KITLG: variants seen among roughly 807,000 people sequenced by gnomAD.
KITLG encodes c-Kit ligand.
KITLG carries 13 observed loss-of-function variants against 34.1 expected under a neutral mutation model. The observed-to-expected ratio is 0.38, with a 90% CI of 0.25 to 0.61. The LOEUF (loss-of-function observed/expected upper bound fraction) is 0.61, where lower values mean the gene tolerates loss of function less well. KITLG is among the 20% of genes least tolerant of loss of function. The pLI, the probability that KITLG is intolerant of heterozygous loss-of-function variation, is 0.60. For missense variants in KITLG, 292 were observed against 318.9 expected (o/e 0.92, Z 0.64); for synonymous variants, 110 against 104.0 (o/e 1.06, Z -0.35).
At chr12:88,514,626 T>C (rs1351509582) in intron 6 of KITLG, among the ~76,000 whole-genome samples, 1 of 151,746 alleles carries the variant, frequency 6.6e-6, no homozygotes, top group African/African-American at 2.4e-5. Flanking sequence ...GAAAGATAAA[T>C]AGACTATAAA....
chr12:88,565,125 TTCTG>T (rs1172842675), intron 1 of KITLG, among the ~76,000 whole-genome samples: 4 of 152,228 alleles, frequency 2.6e-5, no homozygotes, highest in South Asian at 4.1e-4. Flanking sequence ...ATTGTCATAT[TTCTG>T]TCTTTCAACT....
chr12:88,564,207 C>T (rs1347092931), intron 1 of KITLG: 1 of 152,046 alleles, frequency 6.6e-6, no homozygotes, highest in African/African-American at 2.4e-5. Context: ...AGGAAATGTA[C>T]CTTAAGGCCT....
chr12:88,529,434 T>C, intron 3 of KITLG, among the ~76,000 whole-genome samples: 1 of 152,190 alleles, frequency 6.6e-6, no homozygotes. Context: ...TAGATTTAAA[T>C]ACTAAGTGGT....
At chr12:88,513,991 A>G (rs755595351) in intron 6 of KITLG, among the ~76,000 whole-genome samples, 1 of 151,704 alleles carries the variant, frequency 6.6e-6, no homozygotes, top group Non-Finnish European at 1.5e-5. Context: ...AAAATTATAG[A>G]GTATGTTTTC....
At chr12:88,578,426 T>A (rs544919831) in intron 1 of KITLG, among the ~76,000 whole-genome samples, 8 of 152,324 alleles carry the variant, frequency 5.3e-5, no homozygotes, top group Admixed American at 2.6e-4. Flanking sequence ...CTAAAATACT[T>A]AGCTTTCTCA....
chr12:88,500,489 G>A (rs1868812412), intron 9 of KITLG, among the ~76,000 whole-genome samples: 1 of 152,192 alleles, frequency 6.6e-6, no homozygotes, highest in Admixed American at 6.5e-5. Context: ...ACACAACAAA[G>A]TTATATTAAG....
chr12:88,548,718 C>T (rs1287051078), intron 1 of KITLG, among the ~76,000 whole-genome samples: 1 of 152,164 alleles, frequency 6.6e-6, no homozygotes, highest in East Asian at 1.9e-4. Flanking sequence ...TAATACATAT[C>T]AGTGCATGAC....
chr12:88,561,824 TTGC>T (rs1203669588), intron 1 of KITLG, among the ~76,000 whole-genome samples: 2 of 152,218 alleles, frequency 1.3e-5, no homozygotes, highest in Non-Finnish European at 2.9e-5. Context: ...CCCTTTGTAC[TTGC>T]TGCTGCCAGT....
At chr12:88,543,683 C>T (rs1281931321) in intron 2 of KITLG, among the ~76,000 whole-genome samples, 1 of 152,114 alleles carries the variant, frequency 6.6e-6, no homozygotes, top group Non-Finnish European at 1.5e-5. Flanking sequence ...TTGCTTTCCC[C>T]GCCCTTCTCA....
At chr12:88,499,417 T>G (rs1868769303) in intron 9 of KITLG, among the ~76,000 whole-genome samples, 1 of 152,158 alleles carries the variant, frequency 6.6e-6, no homozygotes, top group Non-Finnish European at 1.5e-5. Context: ...ATACCAAAAT[T>G]TTGTTTGTAT....
chr12:88,574,973 C>T (rs1258664469), intron 1 of KITLG, among the ~76,000 whole-genome samples: 4 of 152,134 alleles, frequency 2.6e-5, no homozygotes, highest in Non-Finnish European at 5.9e-5. Context: ...TTTAAATCTC[C>T]TTCATTTCTC....
chr12:88,559,885 T>G (rs1478186091), intron 1 of KITLG, among the ~76,000 whole-genome samples: 2 of 152,226 alleles, frequency 1.3e-5, no homozygotes, highest in Non-Finnish European at 2.9e-5. Flanking sequence ...GAGACACATT[T>G]CTCTGGTAAC....
intron 3 of KITLG, among the ~76,000 whole-genome samples, chr12:88,531,898 T>C (rs1015107885): frequency 3.3e-5 from 5 of 152,034 alleles, no homozygotes; most frequent in Non-Finnish European, 7.4e-5. Flanking sequence ...AGCATAACAA[T>C]GATTTATGTA....
intron 2 of KITLG, among the ~76,000 whole-genome samples, chr12:88,542,794 A>C (rs1193658473): frequency 2.0e-5 from 3 of 152,102 alleles, no homozygotes; most frequent in Admixed American, 2.0e-4. Flanking sequence ...ATGCCCTTAG[A>C]GCTGTACCTT....
chr12:88,532,652 T>C (rs1465917587), intron 2 of KITLG, 149 bp from the exon 3 acceptor site: 2 of 611,820 alleles, frequency 3.3e-6, no homozygotes, highest in Non-Finnish European at 5.7e-6. Context: ...TGATTTTTAA[T>C]CCTTGATTTC....
chr12:88,494,504 A>G lies in KITLG; in HGVS notation c.*2715T>C, dbSNP rs191101838. 1.1e-3 allele frequency: 168 copies of G among 152,506 alleles called. 1 individual carries two copies. Among genetic ancestry groups the G allele is most frequent in the Non-Finnish European group, 3.1e-4 (21 of 67,900 alleles). The allele number at this position is 152,506 out of a possible 1,614,324, so 9.4% of individuals were successfully genotyped here. On this transcript the variant is annotated 3_prime_UTR_variant, in exon 10 of 10. Coordinates refer to ENST00000644744, the MANE Select transcript of KITLG (RefSeq NM_000899.5). ...TTTCTTTTCACATACTTTTTAAGAG[A>G]ATAGGCTACTTGTTCTATTATTGTA... is the stretch of plus-strand genomic sequence containing the variant.
intron 1 of KITLG, among the ~76,000 whole-genome samples, chr12:88,578,269 T>C (rs1481820207): frequency 1.3e-5 from 2 of 152,162 alleles, no homozygotes; most frequent in African/African-American, 2.4e-5. Flanking sequence ...AAAAAAAACC[T>C]TGAAGGTCAT....
At position 88,567,734 on chromosome 12, in the gene KITLG, G is replaced by C. The variant is rs1217956999; in HGVS notation, c.15+12530C>G. Among the ~76,000 whole-genome samples, 4 of 152,264 alleles carry C rather than the reference G, an allele frequency of 2.6e-5. No individual in the cohort carries two copies. The East Asian group carries it at 7.7e-4, about 29-fold the overall frequency. ...TTTGAAAGGAGCTAACATTTACCGA[G>C]GTTTTCTGGTACCTGTCCTAATGCC... On this transcript the variant is annotated intron_variant, in intron 1 of 9. Coordinates refer to ENST00000644744, the MANE Select transcript of KITLG (RefSeq NM_000899.5).
chr12:88,567,732 G>A (rs771569295), intron 1 of KITLG, among the ~76,000 whole-genome samples: 2 of 152,136 alleles, frequency 1.3e-5, no homozygotes, highest in African/African-American at 2.4e-5. Context: ...AACATTTACC[G>A]AGGTTTTCTG....
Sources: gnomAD v4.1 joint callset for allele counts (sites outside exome capture counted in the v4.1 genomes callset) on GRCh38, gnomAD v4.1.1 for gene constraint, MANE v1.5 for transcripts, NCBI Gene and HGNC (gene_info 2026-07-23, HGNC 2026-07-21) for gene names.